Variants in MYH9 observed in about 807,000 individuals in gnomAD.
MYH9 encodes the protein myosin-9.
Under a neutral mutation model 241.9 loss-of-function variants are expected in MYH9, and 29 were observed. The observed-to-expected ratio is 0.12, with a 90% CI of 0.09 to 0.16. MYH9 has a LOEUF of 0.16. Ranked by LOEUF, MYH9 falls within the 10% of genes least tolerant of loss-of-function variation. MYH9 has a pLI of 1.00. For missense variants in MYH9, 1,803 were observed against 2,595.5 expected, an observed-to-expected ratio of 0.69 and a Z score of 6.63; for synonymous variants, 1,047 against 1,062.6, an observed-to-expected ratio of 0.99 and a Z score of 0.29.
intron 12 of MYH9, among the ~76,000 whole-genome samples, chr22:36,315,389 T>C (rs2146357917): frequency 6.6e-6 from 1 of 152,242 alleles, no homozygotes; most frequent in South Asian, 2.1e-4. Flanking sequence ...GTTAAGAACC[T>C]CTAATCTACT....
intron 31 of MYH9, among the ~76,000 whole-genome samples, chr22:36,290,226 G>A (rs1235889330): frequency 2.6e-5 from 4 of 151,548 alleles, no homozygotes; most frequent in Admixed American, 6.6e-5. Flanking sequence ...GCTGGGTGTG[G>A]TGGTGGTGCA....
chr22:36,356,529 TG>T (rs1435771234), intron 1 of MYH9, among the ~76,000 whole-genome samples: 2 of 130,086 alleles, frequency 1.5e-5, no homozygotes, highest in African/African-American at 6.1e-5. Context: ...TGCAGTGAGC[TG>T]AGATGGTGCC....
intron 2 of MYH9, among the ~76,000 whole-genome samples, chr22:36,345,117 C>T (rs1422823633): frequency 6.6e-6 from 1 of 151,988 alleles, no homozygotes; most frequent in Non-Finnish European, 1.5e-5. Context: ...TCGAGGCCAT[C>T]CTGGCTAACA....
chr22:36,285,150 C>G lies in MYH9; in HGVS notation c.5454G>C (p.Gln1818His). Residue 1818 changes from glutamine (Q) to histidine (H), a missense_variant, in exon 38 of 41, where the codon CAG becomes CAC. This residue lies in a region of MYH9 where 876 missense variants were observed against 1,077.8 expected (regional missense o/e 0.81). Coordinates refer to ENST00000216181, the MANE Select transcript of MYH9 (RefSeq NM_002473.6). The surrounding 1 kb of genome is among the most constrained non-coding windows in gnomAD (Gnocchi z 7.0). ...TCTCGTTGTCCAGCTGCTCCTCCAG[C>G]TGTGCAATCTTGGCCTCGAGGGCGG... ...SITALEAKIA[Q>H]LEEQLDNETK... 5 of 1,614,170 alleles carry G rather than the reference C, an allele frequency of 3.1e-6. No homozygotes were observed. The highest frequency in any genetic ancestry group is 3.4e-6 in the Non-Finnish European group (4 of 1,180,040).
chr22:36,302,609 G>C lies in MYH9; in HGVS notation c.2458C>G (p.Leu820Val). ...KVLQRNCAAY[L>V]KLRNWQWWRL... is the part of the protein sequence containing the mutation. ...CACCACTGCCAGTTCCGCAGCTTCA[G>C]GTAGGCAGCGCAGTTCCGCTGGAGG... The change falls in exon 20 of 41, where the codon CTG (leucine) becomes GTG (valine). Residue 820 changes from leucine (L) to valine (V), a missense_variant. Leu to Val is a conservative substitution (Grantham distance 32). Transcript: ENST00000216181. 6.2e-7 allele frequency: 1 copy of C among 1,613,636 alleles called. No homozygotes were observed. Among genetic ancestry groups the C allele is most frequent in the Non-Finnish European group, 8.5e-7 (1 of 1,179,978 alleles).
At chr22:36,298,355 C>T (rs146674143) in intron 24 of MYH9, among the ~76,000 whole-genome samples, 32 of 152,262 alleles carry the variant, frequency 2.1e-4, no homozygotes, top group African/African-American at 7.7e-4. Flanking sequence ...CCCGAGGGCA[C>T]ACAGAGACAA....
rs773189314 is a variant in MYH9, at chr22:36,322,453, C to T, written c.681G>A (p.Val227=). The T allele has an allele frequency of 1.2e-6, 2 of 1,613,960 alleles. No homozygotes were observed. Among genetic ancestry groups the T allele is most frequent in the South Asian group, 2.2e-5 (2 of 91,088 alleles). Residue 227 remains valine, a synonymous_variant, in exon 6 of 41, where the codon GTG becomes GTA. Transcript: ENST00000216181. ...CGAAGCGGGAGGAGTTGTCATTCTTCACGGTCTTGGCGTTCCCGAAGGCCT... is the reference window on the plus strand; with the variant it reads ...CGAAGCGGGAGGAGTTGTCATTCTTTACGGTCTTGGCGTTCCCGAAGGCCT... ...ILEAFGNAKT[V]KNDNSSRFGK...
chr22:36,324,891 C>T (rs1192923644), intron 5 of MYH9: 2 of 591,382 alleles, frequency 3.4e-6, no homozygotes, highest in African/African-American at 3.7e-5. Context: ...TGAGTGCTGC[C>T]TTCCCCTCTA....
At chr22:36,312,430 G>C (rs1471518813) in intron 13 of MYH9, among the ~76,000 whole-genome samples, 1 of 152,200 alleles carries the variant, frequency 6.6e-6, no homozygotes, top group African/African-American at 2.4e-5. Flanking sequence ...TTTACCCAAG[G>C]ATCCATCGCG....
In MYH9 at chr22:36,330,122, C is replaced by T. The variant is rs1264259451; in HGVS notation, c.491-2634G>A. Among the ~76,000 whole-genome samples the T allele has an allele frequency of 6.6e-6, 1 of 152,266 alleles. No homozygotes were observed. Among genetic ancestry groups the T allele is most frequent in the Non-Finnish European group, 1.5e-5 (1 of 68,050 alleles). ...CCAAATTCAGTGTCTCCTCTCCATC[C>T]ACCCGAGCGTCCCTAGCTCTCCCAC... On this transcript the variant is annotated intron_variant, in intron 3 of 40. Coordinates refer to ENST00000216181, the MANE Select transcript of MYH9 (RefSeq NM_002473.6). This position sits in a 1 kb window ranked among gnomAD's most constrained non-coding sequence, Gnocchi z 4.5.
chr22:36,370,100 A>T (rs1255481757), intron 1 of MYH9, among the ~76,000 whole-genome samples: 2 of 152,260 alleles, frequency 1.3e-5, no homozygotes, highest in Non-Finnish European at 2.9e-5. Context: ...CTTTATTAGC[A>T]TCAAAACCCT....
At chr22:36,314,361 A>C in intron 12 of MYH9, 43 bp from the exon 13 acceptor site, 2 of 1,610,808 alleles carry the variant, frequency 1.2e-6, no homozygotes, top group Non-Finnish European at 1.7e-6. Context: ...CCAACCCTGC[A>C]CTAAAGAGGC....
chr22:36,349,039 C>T lies in MYH9; in HGVS notation c.198G>A (p.Lys66=). 1 of 1,614,248 alleles carries T rather than the reference C, an allele frequency of 6.2e-7. No individual in the cohort carries two copies. The highest frequency in any genetic ancestry group is 1.1e-5 in the South Asian group (1 of 91,088). The change falls in exon 2 of 41, where the codon AAG becomes AAA. Residue 66 remains lysine (K), a synonymous_variant. Coordinates refer to ENST00000216181, the MANE Select transcript of MYH9 (RefSeq NM_002473.6). ...TCTTCTGGATGTCATCCTTGTTCAC[C>T]TTCACCTTCTTCCCATTCTCCACCA... ...VELVENGKKV[K]VNKDDIQKMN...
At position 36,282,638 on chromosome 22, in the gene MYH9, C is replaced by G; in HGVS notation, c.*30G>C. ...AGGGGAGGCTGTGGTGTCTGTCTGTCCATCCATCTCAGGCTGCAGGAGAAG... is the reference window on the plus strand; with the variant it reads ...AGGGGAGGCTGTGGTGTCTGTCTGTGCATCCATCTCAGGCTGCAGGAGAAG... On this transcript the variant is annotated 3_prime_UTR_variant, in exon 41 of 41. Coordinates refer to ENST00000216181, the MANE Select transcript of MYH9 (RefSeq NM_002473.6). 6.3e-7 allele frequency: 1 copy of G among 1,597,142 alleles called. No individual in the cohort carries two copies. Among genetic ancestry groups the G allele is most frequent in the Non-Finnish European group, 8.6e-7 (1 of 1,165,344 alleles).
At chr22:36,341,196 T>A (rs1225591994) in intron 3 of MYH9, among the ~76,000 whole-genome samples, 174 bp downstream of exon 3, 6 of 152,226 alleles carry the variant, frequency 3.9e-5, no homozygotes. Flanking sequence ...ACATGTCCTC[T>A]GGATAGCCAC....
chr22:36,335,822 C>T (rs369402935), intron 3 of MYH9, among the ~76,000 whole-genome samples: 3 of 152,358 alleles, frequency 2.0e-5, no homozygotes, highest in South Asian at 2.1e-4. Context: ...GGGGCTGGCT[C>T]TCTGCGGGCT....
Position 36,316,606 on chromosome 22 carries a change from G to A in MYH9, c.1291C>T (p.Leu431=), listed in dbSNP as rs767440614. The change falls in exon 12 of 41, where the codon CTG becomes TTG. Residue 431 remains leucine, a synonymous_variant. Coordinates refer to ENST00000216181, the MANE Select transcript of MYH9 (RefSeq NM_002473.6). Reference sequence around the variant, plus strand: ...TTGTCCAGAGCCTTGTTGATGCGCAGCACCAGCCAGCGGAACATCCGCTCA... The same window carrying A: ...TTGTCCAGAGCCTTGTTGATGCGCAACACCAGCCAGCGGAACATCCGCTCA... ...TYERMFRWLV[L]RINKALDKTK... is the part of the protein sequence containing the mutation. 2 of 1,613,956 alleles carry A rather than the reference G, an allele frequency of 1.2e-6. No individual in the cohort carries two copies. The highest frequency in any genetic ancestry group is 2.7e-5 in the African/African-American group (2 of 74,936).
intron 13 of MYH9, 97 bp from the exon 14 acceptor site, chr22:36,312,319 C>T (rs1272076604): frequency 1.5e-6 from 2 of 1,295,980 alleles, no homozygotes; most frequent in African/African-American, 1.5e-5. Flanking sequence ...TCCCCTGAAT[C>T]CCACAGACGG....
chr22:36,379,804 C>A (rs1205001482), intron 1 of MYH9, among the ~76,000 whole-genome samples: 1 of 152,238 alleles, frequency 6.6e-6, no homozygotes, highest in Non-Finnish European at 1.5e-5. Flanking sequence ...CACTGAGGGA[C>A]TCCCAGCTGC....
Sources: gnomAD v4.1 joint callset for allele counts (sites outside exome capture counted in the v4.1 genomes callset) on GRCh38, gnomAD v4.1.1 for gene constraint, gnomAD v4.1.1 regional missense constraint, Gnocchi (gnomAD v3.1) non-coding constraint, MANE v1.5 for transcripts, NCBI Gene and HGNC (gene_info 2026-07-23, HGNC 2026-07-21) for gene names.